The following POLR3B variants were observed in gnomAD, a reference collection of about 807,000 sequenced individuals.
The protein encoded by POLR3B is RNA polymerase III subunit B.
In POLR3B, 96 loss-of-function variants were observed where a neutral mutation model predicts 147.4. The observed-to-expected ratio is 0.65, with a 90% CI of 0.55 to 0.77. The LOEUF (loss-of-function observed/expected upper bound fraction) is 0.77. Among genes scored for constraint, POLR3B ranks in the 30% least tolerant of loss-of-function variants. The pLI is 0.00. For synonymous variants in POLR3B, 461 were observed against 485.9 expected (o/e 0.95, Z 0.67); for missense variants, 1,036 against 1,413.5 (o/e 0.73, Z 4.28).
intron 10 of POLR3B, among the ~76,000 whole-genome samples, chr12:106,400,870 G>T (rs1352662521): frequency 6.6e-6 from 1 of 152,180 alleles, no homozygotes; most frequent in Non-Finnish European, 1.5e-5. Flanking sequence ...ACTAGAGAAA[G>T]CAGGAAAGAT....
intron 6 of POLR3B, among the ~76,000 whole-genome samples, chr12:106,373,957 T>G (rs1286481049): frequency 2.0e-5 from 3 of 152,138 alleles, no homozygotes; most frequent in Non-Finnish European, 2.9e-5. Flanking sequence ...ATGTTTCAGG[T>G]TTTTTTCCAT....
intron 15 of POLR3B, among the ~76,000 whole-genome samples, 193 bp from the exon 16 acceptor site, chr12:106,433,526 A>G (rs1218652624): frequency 6.6e-6 from 1 of 152,190 alleles, no homozygotes; most frequent in Non-Finnish European, 1.5e-5. Flanking sequence ...CTCAGCCTGC[A>G]TGTGGAAGGA....
intron 23 of POLR3B, among the ~76,000 whole-genome samples, chr12:106,466,683 T>C (rs564236604): frequency 5.9e-5 from 9 of 152,332 alleles, no homozygotes; most frequent in Middle Eastern, 3.4e-3. Flanking sequence ...TAGCCAGTTT[T>C]CCCAACACCA....
intron 23 of POLR3B, among the ~76,000 whole-genome samples, chr12:106,468,282 G>A (rs1347102600): frequency 6.6e-6 from 1 of 152,094 alleles, no homozygotes; most frequent in African/African-American, 2.4e-5. Context: ...GTATTTCTGT[G>A]GGATCGGTGG....
rs747216457 is a variant in POLR3B, at chr12:106,369,322, AT to A, written c.276del (p.Asn92LysfsTer2). ...VGLPDVEESF[N>X]VTRPVSPHEC... ...CTTCCTGATGTTGAAGAAAGCTTCA[AT>A]GTAACTAGACCAGTGTCCCCTCATG... On this transcript the variant is annotated frameshift_variant, in exon 5 of 28. Transcript: ENST00000228347. LOFTEE classifies it high-confidence loss of function. 1.2e-6 allele frequency: 2 copies of A among 1,600,602 alleles called. No homozygotes were observed. The highest frequency in any genetic ancestry group is 3.3e-5 in the Admixed American group (2 of 60,014).
intron 13 of POLR3B, among the ~76,000 whole-genome samples, chr12:106,430,067 A>G (rs1472584878): frequency 6.6e-6 from 1 of 152,158 alleles, no homozygotes; most frequent in Admixed American, 6.5e-5. Context: ...TAGACATAGT[A>G]ATGTTCATTA....
chr12:106,496,732 A>C lies in POLR3B; in HGVS notation c.2818-20A>C, dbSNP rs1441459908. 28 of 1,613,146 alleles carry C rather than the reference A, an allele frequency of 1.7e-5. No homozygotes were observed. Among genetic ancestry groups the C allele is most frequent in the Non-Finnish European group, 2.3e-5 (27 of 1,179,300 alleles). On this transcript the variant is annotated intron_variant, in intron 24 of 27. Transcript: ENST00000228347. ...TTGTGCCACAGGGAGGTGCTCACTT[A>C]ATTTGTTCACATCCTGCAGGTGGGG...
In POLR3B at chr12:106,378,528, A is replaced by G. The variant is rs561398210; in HGVS notation, c.614+144A>G. 3.8e-4 allele frequency: 231 copies of G among 613,616 alleles called. 4 individuals are homozygous for G. In the South Asian group the frequency reaches 4.4e-3, roughly 12 times the overall value. 38.0% of individuals were successfully genotyped at this position (613,616 alleles called of 1,614,324 possible). A position where few individuals can be genotyped will look rare whatever the true frequency, so the allele number is the denominator to read the frequency against. On this transcript the variant is annotated intron_variant, in intron 8 of 27. Coordinates refer to ENST00000228347, the MANE Select transcript of POLR3B (RefSeq NM_018082.6). ...TTAAGCTATCTGCATTCAATTTATT[A>G]TGAAAGTCTGGAAGCATAGGGTACT...
intron 11 of POLR3B, 122 bp downstream of exon 11, chr12:106,406,098 C>A (rs2037147694): frequency 9.4e-6 from 9 of 956,026 alleles, no homozygotes; most frequent in African/African-American, 3.3e-5. Context: ...CTAAAGAGGA[C>A]TGTACTGCCC....
At position 106,496,728 on chromosome 12, in the gene POLR3B, A is replaced by C. The variant is rs774571056; in HGVS notation, c.2818-24A>C. On this transcript the variant is annotated intron_variant, in intron 24 of 27. Coordinates refer to ENST00000228347, the MANE Select transcript of POLR3B (RefSeq NM_018082.6). The stretch of plus-strand genomic sequence containing the variant: ...GTGCTTGTGCCACAGGGAGGTGCTC[A>C]CTTAATTTGTTCACATCCTGCAGGT... 1.9e-6 allele frequency: 3 copies of C among 1,612,548 alleles called. No homozygotes were observed. The Admixed American group carries it at 5.0e-5, about 27-fold the overall frequency.
At chr12:106,371,636 GT>G (rs1474447912) in intron 6 of POLR3B, among the ~76,000 whole-genome samples, 3 of 140,432 alleles carry the variant, frequency 2.1e-5, no homozygotes, top group African/African-American at 7.3e-5. Context: ...CATGTCCTTT[GT>G]AGGGACATGG....
chr12:106,468,930 G>A (rs2038047649), intron 23 of POLR3B, among the ~76,000 whole-genome samples: 1 of 152,152 alleles, frequency 6.6e-6, no homozygotes. Context: ...GATTTGGGGT[G>A]GAGAGTTCTG....
At chr12:106,391,534 A>G (rs1222956401) in intron 9 of POLR3B, among the ~76,000 whole-genome samples, 1 of 152,224 alleles carries the variant, frequency 6.6e-6, no homozygotes, top group Admixed American at 6.5e-5. Flanking sequence ...AAAACTTTCT[A>G]TAAGTTTACA....
chr12:106,472,974 T>G (rs1294219139), intron 23 of POLR3B, among the ~76,000 whole-genome samples: 1 of 122,706 alleles, frequency 8.1e-6, no homozygotes, highest in African/African-American at 3.7e-5. Flanking sequence ...CTAGGTTTTC[T>G]TCTAGGGTTT....
At chr12:106,358,156 C>G in intron 1 of POLR3B, 1 of 1,445,864 alleles carries the variant, frequency 6.9e-7, no homozygotes. Flanking sequence ...CCCAGAGGAG[C>G]TGTCAGCCGC....
intron 1 of POLR3B, among the ~76,000 whole-genome samples, chr12:106,358,493 C>G (rs1432220539): frequency 1.3e-5 from 2 of 152,158 alleles, no homozygotes; most frequent in Non-Finnish European, 2.9e-5. Flanking sequence ...GACTCCACAG[C>G]TTTCATCAGC....
Position 106,376,451 on chromosome 12 carries a change from G to T in POLR3B, c.496+1G>T. 1 of 1,602,088 alleles carries T rather than the reference G, an allele frequency of 6.2e-7. No individual in the cohort carries two copies. The highest frequency in any genetic ancestry group is 1.3e-5 in the African/African-American group (1 of 74,784). ...CTGAACGAATGTCCCTTAGATCCAG[G>T]TATGTGTGAAGTCTTGGATTTGTCC... is the stretch of plus-strand genomic sequence containing the variant. On this transcript the variant is annotated splice_donor_variant, in intron 7 of 27. Coordinates refer to ENST00000228347, the MANE Select transcript of POLR3B (RefSeq NM_018082.6). LOFTEE classifies it high-confidence loss of function.
chr12:106,433,970 T>A (rs907172398), intron 16 of POLR3B, 98 bp downstream of exon 16: 34 of 949,272 alleles, frequency 3.6e-5, no homozygotes, highest in Admixed American at 6.6e-5. Context: ...TGTTTTAACC[T>A]CTTTCATTGT....
At position 106,475,850 on chromosome 12, in the gene POLR3B, A is replaced by C. The variant is rs1327758820; in HGVS notation, c.2713+12230A>C. 1.2e-4 allele frequency among the ~76,000 whole-genome samples: 18 copies of C among 148,754 alleles called. No individual in the cohort carries two copies. The South Asian group carries it at 1.3e-3, about 11-fold the overall frequency. ...GCCAGTCTGTGTCTTTTAATTGGAGAATTTAGTCCATTTACATTTAAAGTT... is the reference window on the plus strand; with the variant it reads ...GCCAGTCTGTGTCTTTTAATTGGAGCATTTAGTCCATTTACATTTAAAGTT... On this transcript the variant is annotated intron_variant, in intron 23 of 27. Coordinates refer to ENST00000228347, the MANE Select transcript of POLR3B (RefSeq NM_018082.6).
Sources: allele counts gnomAD v4.1 joint callset (sites outside exome capture counted in the v4.1 genomes callset), GRCh38; gene constraint gnomAD v4.1.1; transcripts MANE v1.5; gene names NCBI Gene and HGNC (gene_info 2026-07-23, HGNC 2026-07-21).